The following CHSY3 variants were observed in gnomAD, a reference collection of about 807,000 sequenced individuals.
CHSY3 encodes the protein N-acetylgalactosaminyl-proteoglycan 3-beta-glucuronosyltransferase 3.
A neutral mutation model predicts 67.2 loss-of-function variants in CHSY3; 35 were observed. The observed-to-expected ratio is 0.52, with a 90% CI of 0.40 to 0.69. The LOEUF (loss-of-function observed/expected upper bound fraction) is 0.69. Among genes scored for constraint, CHSY3 ranks in the 30% least tolerant of loss-of-function variants. CHSY3 has a pLI of 0.00. For synonymous variants in CHSY3, 474 were observed against 434.7 expected (o/e 1.09, Z -1.12); for missense variants, 1,069 against 1,138.5 (o/e 0.94, Z 0.88).
intron 2 of CHSY3, among the ~76,000 whole-genome samples, chr5:130,167,747 G>A (rs1769790110): frequency 6.6e-6 from 1 of 152,098 alleles, no homozygotes; most frequent in Non-Finnish European, 1.5e-5. Flanking sequence ...AGGTGCAGAA[G>A]GGATGTCTTT....
rs1238864490 is a variant in CHSY3, at chr5:129,904,538, C to CTAGCTGCCG, written c.-292_-291insTAGCTGCCG. On this transcript the variant is annotated 5_prime_UTR_variant, in exon 1 of 3. Transcript: ENST00000305031. Reference sequence around the variant, plus strand: ...TCCTCCTCCTCCTCCTGCAGCTCCTCCAGCTGCCGCTGCTGCCGCCGCTGC... The same window carrying CTAGCTGCCG: ...TCCTCCTCCTCCTCCTGCAGCTCCTCTAGCTGCCGCAGCTGCCGCTGCTGCCGCCGCTGC... 1.3e-4 allele frequency: 42 copies of CTAGCTGCCG among 329,226 alleles called. 1 individual carries two copies. The highest frequency in any genetic ancestry group is 2.0e-4 in the Non-Finnish European group (38 of 190,986). The allele number at this position is 329,226 out of a possible 1,614,324, so 20.4% of individuals were successfully genotyped here. A position where few individuals can be genotyped will look rare whatever the true frequency, so the allele number is the denominator to read the frequency against.
intron 2 of CHSY3, among the ~76,000 whole-genome samples, chr5:130,160,040 T>A (rs12110063): frequency 0.012 from 1,888 of 152,304 alleles, 36 homozygotes; most frequent in African/African-American, 0.042. Context: ...CTGGAGATAC[T>A]CTGTTTTGAG....
chr5:129,963,886 A>G (rs1419322731), intron 2 of CHSY3, among the ~76,000 whole-genome samples: 1 of 151,658 alleles, frequency 6.6e-6, no homozygotes, highest in Non-Finnish European at 1.5e-5. Context: ...GTGTATGTGT[A>G]TATGTGTAGG....
chr5:130,162,057 A>AAAAAAAAAAAAAAAAAAAAAG (rs1554087189), intron 2 of CHSY3, among the ~76,000 whole-genome samples: 4 of 122,978 alleles, frequency 3.3e-5, no homozygotes, highest in Non-Finnish European at 6.6e-5. Flanking sequence ...AAAAAAAAAA[A>AAAAAAAAAAAAAAAAAAAAAG]AAAGAAAGAA....
chr5:130,162,756 T>C (rs961332317), intron 2 of CHSY3, among the ~76,000 whole-genome samples: 16 of 152,244 alleles, frequency 1.1e-4, no homozygotes, highest in African/African-American at 3.6e-4. Context: ...CTAGAAGCAT[T>C]GGAGCAGAAC....
chr5:130,028,467 T>A (rs1342368245), intron 2 of CHSY3, among the ~76,000 whole-genome samples: 1 of 152,188 alleles, frequency 6.6e-6, no homozygotes, highest in African/African-American at 2.4e-5. Context: ...TATAGAAAGC[T>A]GAAACTGGAT....
intron 2 of CHSY3, among the ~76,000 whole-genome samples, chr5:130,061,737 A>G (rs2149676881): frequency 6.6e-6 from 1 of 152,238 alleles, no homozygotes; most frequent in Middle Eastern, 3.4e-3. Context: ...AAAGCTGGGC[A>G]AAGGACATGA....
intron 2 of CHSY3, among the ~76,000 whole-genome samples, chr5:130,057,375 T>G (rs1010039508): frequency 1.3e-5 from 2 of 152,038 alleles, no homozygotes; most frequent in Non-Finnish European, 2.9e-5. Flanking sequence ...AAGAAAAAAC[T>G]TCCCTAGTTA....
chr5:129,971,119 A>G (rs913021789), intron 2 of CHSY3, among the ~76,000 whole-genome samples: 1 of 151,862 alleles, frequency 6.6e-6, no homozygotes, highest in African/African-American at 2.4e-5. Context: ...CAGGATGAGG[A>G]GGTTGAAAGT....
chr5:130,081,399 T>G (rs953390123), intron 2 of CHSY3, among the ~76,000 whole-genome samples: 27 of 151,768 alleles, frequency 1.8e-4, no homozygotes, highest in African/African-American at 6.3e-4. Flanking sequence ...CTTCTTCAGG[T>G]CAGCATGTGA....
chr5:129,976,454 T>C (rs1048538266), intron 2 of CHSY3, among the ~76,000 whole-genome samples: 7 of 152,136 alleles, frequency 4.6e-5, no homozygotes, highest in Admixed American at 3.9e-4. Context: ...CCAGTAAATG[T>C]GCACAGATAT....
At chr5:130,112,309 G>A (rs1020277244) in intron 2 of CHSY3, among the ~76,000 whole-genome samples, 11 of 152,086 alleles carry the variant, frequency 7.2e-5, no homozygotes, top group Admixed American at 3.3e-4. Flanking sequence ...TTTTTGTAGT[G>A]ACTTCAGAAA....
Position 129,905,137 on chromosome 5 carries a change from G to C in CHSY3, c.308G>C (p.Trp103Ser), listed in dbSNP as rs1187198580. Residue 103 changes from tryptophan to serine, a missense_variant, in exon 1 of 3, where the codon TGG (tryptophan) becomes TCG (serine). Around this residue, in one of 5 missense-constraint regions of CHSY3, gnomAD observed 309 missense variants for 262.5 expected, o/e 1.18. Coordinates refer to ENST00000305031, the MANE Select transcript of CHSY3 (RefSeq NM_175856.5). ...ATCACCAGTTTTCGAAGCAGCCCCT[G>C]GCAGCAGCCACCTCCGCTGCAGCAG... ...PGITSFRSSP[W>S]QQPPPLQQRR... The C allele has an allele frequency of 6.5e-7, 1 of 1,533,628 alleles. No homozygotes were observed. Among genetic ancestry groups the C allele is most frequent in the South Asian group, 1.2e-5 (1 of 83,478 alleles).
chr5:130,130,754 T>C (rs1477064088), intron 2 of CHSY3, among the ~76,000 whole-genome samples: 2 of 152,186 alleles, frequency 1.3e-5, no homozygotes, highest in Non-Finnish European at 2.9e-5. Flanking sequence ...CTGCCTTTAC[T>C]CCCTCAGGTC....
At chr5:129,944,390 A>G (rs1761787041) in intron 2 of CHSY3, among the ~76,000 whole-genome samples, 1 of 152,172 alleles carries the variant, frequency 6.6e-6, no homozygotes, top group Admixed American at 6.5e-5. Flanking sequence ...TGGGACAATT[A>G]ACGAATTTTT....
At chr5:130,019,596 T>G (rs756035651) in intron 2 of CHSY3, among the ~76,000 whole-genome samples, 2 of 152,212 alleles carry the variant, frequency 1.3e-5, no homozygotes, top group Non-Finnish European at 2.9e-5. Flanking sequence ...CTATGTTTAG[T>G]CTCTCTGGTT....
chr5:130,061,800 A>G (rs1354375769), intron 2 of CHSY3, among the ~76,000 whole-genome samples: 7 of 152,094 alleles, frequency 4.6e-5, no homozygotes, highest in African/African-American at 1.2e-4. Context: ...ACATGAGACA[A>G]TGTTCAACAT....
chr5:130,035,400 A>G (rs1326579934), intron 2 of CHSY3, among the ~76,000 whole-genome samples: 1 of 152,164 alleles, frequency 6.6e-6, no homozygotes, highest in East Asian at 1.9e-4. Flanking sequence ...TTGCCACAAA[A>G]TATGAGTATC....
intron 2 of CHSY3, among the ~76,000 whole-genome samples, chr5:129,952,010 A>G (rs1484847382): frequency 6.6e-6 from 1 of 152,234 alleles, no homozygotes; most frequent in Non-Finnish European, 1.5e-5. Flanking sequence ...TAGAAAAATC[A>G]TTATCACATA....
Sources: allele counts gnomAD v4.1 joint callset (sites outside exome capture counted in the v4.1 genomes callset), GRCh38; gene constraint gnomAD v4.1.1; regional missense constraint gnomAD v4.1.1; transcripts MANE v1.5; gene names NCBI Gene and HGNC (gene_info 2026-07-23, HGNC 2026-07-21).